FGF12: variants seen among roughly 807,000 people sequenced by gnomAD.
The protein encoded by FGF12 is fibroblast growth factor 12B.
A neutral mutation model predicts 23.6 loss-of-function variants in FGF12; 14 were observed. The ratio of observed to expected loss-of-function variants is 0.59; its 90% CI spans 0.39 to 0.93. The LOEUF (loss-of-function observed/expected upper bound fraction) is 0.93, where lower values mean the gene tolerates loss of function less well. Among genes scored for constraint, FGF12 ranks in the 40% least tolerant of loss-of-function variants. FGF12 has a pLI of 0.00. For synonymous variants in FGF12, 62 were observed against 77.3 expected (o/e 0.80, Z 1.04); for missense variants, 175 against 217.8 (o/e 0.80, Z 1.24).
intron 2 of FGF12, among the ~76,000 whole-genome samples, chr3:192,649,275 T>TAA (rs1177398121): frequency 6.6e-6 from 1 of 152,154 alleles, no homozygotes; most frequent in Admixed American, 6.6e-5. Flanking sequence ...AGCCACTGCA[T>TAA]ACGATAGTAA....
chr3:192,311,503 C>A (rs1715932857), intron 4 of FGF12, among the ~76,000 whole-genome samples: 1 of 152,144 alleles, frequency 6.6e-6, no homozygotes, highest in South Asian at 2.1e-4. Flanking sequence ...AAATAATATT[C>A]CATTGTATGA....
intron 2 of FGF12, among the ~76,000 whole-genome samples, chr3:192,518,372 A>C (rs1364070994): frequency 6.6e-6 from 1 of 152,174 alleles, no homozygotes; most frequent in Non-Finnish European, 1.5e-5. Context: ...CTTTTTAAAA[A>C]TAATTACTAA....
intron 5 of FGF12, among the ~76,000 whole-genome samples, chr3:192,157,748 G>A (rs989242202): frequency 6.6e-6 from 1 of 152,150 alleles, no homozygotes; most frequent in Non-Finnish European, 1.5e-5. Context: ...GGGCATTGCT[G>A]TTATTTATAA....
chr3:192,654,046 T>C (rs1279241491), intron 2 of FGF12, among the ~76,000 whole-genome samples: 1 of 152,188 alleles, frequency 6.6e-6, no homozygotes, highest in African/African-American at 2.4e-5. Context: ...CTTCTTAAGG[T>C]GAGTGTGCCA....
chr3:192,328,313 T>G (rs2108688952), intron 4 of FGF12, among the ~76,000 whole-genome samples: 1 of 152,302 alleles, frequency 6.6e-6, no homozygotes, highest in African/African-American at 2.4e-5. Flanking sequence ...GGTCACACAA[T>G]ATCTGTGGAG....
intron 3 of FGF12, 65 bp from the exon 4 acceptor site, chr3:192,335,529 A>G: frequency 1.0e-6 from 1 of 995,446 alleles, no homozygotes; most frequent in Non-Finnish European, 1.6e-6. Flanking sequence ...CCTTCTTATA[A>G]TCATTCTTTT....
intron 2 of FGF12, among the ~76,000 whole-genome samples, chr3:192,622,240 G>C (rs1479278928): frequency 1.3e-5 from 2 of 152,174 alleles, no homozygotes; most frequent in African/African-American, 4.8e-5. Flanking sequence ...CAAAGGGAAA[G>C]AAAGAGACAT....
chr3:192,645,651 A>C (rs1458972142), intron 2 of FGF12, among the ~76,000 whole-genome samples: 1 of 152,084 alleles, frequency 6.6e-6, no homozygotes, highest in African/African-American at 2.4e-5. Flanking sequence ...GTAGGCAGTC[A>C]TCAGAGTACA....
chr3:192,275,060 TTTC>T (rs1402948598), intron 4 of FGF12, among the ~76,000 whole-genome samples: 2 of 152,212 alleles, frequency 1.3e-5, no homozygotes, highest in East Asian at 3.9e-4. Context: ...GTATCTATTA[TTTC>T]TTTTGTTCAG....
intron 5 of FGF12, 31 bp from the exon 6 acceptor site, chr3:192,144,158 G>A (rs1304587997): frequency 7.8e-7 from 1 of 1,277,468 alleles, no homozygotes. Context: ...AATTACTTAT[G>A]ACAGTGGACA....
intron 2 of FGF12, among the ~76,000 whole-genome samples, chr3:192,444,140 C>A (rs184036881): frequency 3.1e-4 from 47 of 152,276 alleles, no homozygotes; most frequent in East Asian, 3.1e-3. Context: ...TCAGTCTGGC[C>A]GCCTTGAGTT....
At chr3:192,305,679 A>AAAATAT (rs1423738741) in intron 4 of FGF12, among the ~76,000 whole-genome samples, 1 of 131,930 alleles carries the variant, frequency 7.6e-6, no homozygotes, top group African/African-American at 2.9e-5. Context: ...AAAAAAAAAA[A>AAAATAT]ATATATATAT....
At chr3:192,644,674 G>C (rs1393938422) in intron 2 of FGF12, among the ~76,000 whole-genome samples, 1 of 152,128 alleles carries the variant, frequency 6.6e-6, no homozygotes, top group Non-Finnish European at 1.5e-5. Flanking sequence ...CTCAGTTAGA[G>C]TTAAAGGTCT....
At chr3:192,610,852 T>C (rs924355499) in intron 2 of FGF12, among the ~76,000 whole-genome samples, 1 of 152,036 alleles carries the variant, frequency 6.6e-6, no homozygotes, top group African/African-American at 2.4e-5. Flanking sequence ...GAGAACGTTG[T>C]CACCCAAATA....
chr3:192,473,091 A>C (rs1384776914), intron 2 of FGF12, among the ~76,000 whole-genome samples: 7 of 152,210 alleles, frequency 4.6e-5, no homozygotes, highest in Non-Finnish European at 8.8e-5. Flanking sequence ...CTTTCAGTTC[A>C]GAGCCTATGA....
chr3:192,328,040 C>A (rs1716907532), intron 4 of FGF12, among the ~76,000 whole-genome samples: 4 of 152,304 alleles, frequency 2.6e-5, no homozygotes, highest in Middle Eastern at 6.8e-3. Context: ...CCATAAATTT[C>A]TTTTCTTTCA....
intron 4 of FGF12, among the ~76,000 whole-genome samples, chr3:192,290,458 G>A (rs1560054241): frequency 1.3e-5 from 2 of 152,160 alleles, no homozygotes; most frequent in Admixed American, 1.3e-4. Context: ...AGAAGGGGAA[G>A]TTGTAGGAGT....
At chr3:192,412,064 C>G (rs557923976) in intron 2 of FGF12, among the ~76,000 whole-genome samples, 14 of 152,030 alleles carry the variant, frequency 9.2e-5, no homozygotes, top group Non-Finnish European at 1.9e-4. Flanking sequence ...ATGGGTAGAG[C>G]CTGGGAATCT....
intron 2 of FGF12, among the ~76,000 whole-genome samples, chr3:192,630,095 T>C (rs1715326398): frequency 6.6e-6 from 1 of 152,042 alleles, no homozygotes; most frequent in Admixed American, 6.5e-5. Flanking sequence ...AGTGAGTGAG[T>C]GCTCAAGAAA....
Sources: allele counts gnomAD v4.1 joint callset (sites outside exome capture counted in the v4.1 genomes callset), GRCh38; gene constraint gnomAD v4.1.1; transcripts MANE v1.5; gene names NCBI Gene and HGNC (gene_info 2026-07-23, HGNC 2026-07-21).